ESCO1: variants seen among roughly 807,000 people sequenced by gnomAD.
ESCO1 encodes the protein N-acetyltransferase ESCO1.
In ESCO1, 33 loss-of-function variants were observed where a neutral mutation model predicts 83.5. That is an observed-to-expected ratio of 0.40 (90% CI 0.30 to 0.53). The LOEUF is 0.53. Ranked by LOEUF, ESCO1 falls within the 20% of genes least tolerant of loss-of-function variation. The pLI is 0.63. For synonymous variants in ESCO1, 332 were observed against 324.3 expected, an observed-to-expected ratio of 1.02 and a Z score of -0.25; for missense variants, 855 against 968.0, an observed-to-expected ratio of 0.88 and a Z score of 1.55.
Position 21,530,417 on chromosome 18 carries a change from G to C in ESCO1, c.2449C>G (p.Leu817Val), listed in dbSNP as rs1568088785. Residue 817 changes from leucine (L) to valine (V), a missense_variant, in exon 12 of 12, where the codon CTG becomes GTG. Physicochemically the swap from Leu to Val is conservative, Grantham distance 32 (BLOSUM62 1). Coordinates refer to ENST00000269214, the MANE Select transcript of ESCO1 (RefSeq NM_052911.3). Reference sequence around the variant, plus strand: ...GTGCCACAGTACTGTGTTGCAAACAGCTTTCCATCAGGAGTGGGATCTGAG... The same window carrying C: ...GTGCCACAGTACTGTGTTGCAAACACCTTTCCATCAGGAGTGGGATCTGAG... Reference protein sequence around the residue: ...AFSDPTPDGKLFATQYCGTGQ... With the variant: ...AFSDPTPDGKVFATQYCGTGQ... The C allele has an allele frequency of 6.2e-7, 1 of 1,601,270 alleles. No homozygotes were observed.
intron 1 of ESCO1, among the ~76,000 whole-genome samples, chr18:21,591,800 G>A (rs2038673945): frequency 6.6e-6 from 1 of 151,984 alleles, no homozygotes; most frequent in Non-Finnish European, 1.5e-5. Flanking sequence ...GGTTTTCCTA[G>A]GCAGAGGGCC....
At chr18:21,573,123 C>T (rs541093059) in intron 4 of ESCO1, among the ~76,000 whole-genome samples, 191 bp downstream of exon 4, 1 of 152,184 alleles carries the variant, frequency 6.6e-6, no homozygotes, top group South Asian at 2.1e-4. Flanking sequence ...GAGAAGCACC[C>T]CAAGTAAATG....
At chr18:21,590,758 GC>G (rs1217953162) in intron 1 of ESCO1, among the ~76,000 whole-genome samples, 1 of 151,642 alleles carries the variant, frequency 6.6e-6, no homozygotes, top group Non-Finnish European at 1.5e-5. Flanking sequence ...GACCATCCTG[GC>G]CAATGTGAAG....
At chr18:21,562,346 C>G (rs941860354) in intron 7 of ESCO1, among the ~76,000 whole-genome samples, 5 of 151,714 alleles carry the variant, frequency 3.3e-5, no homozygotes, top group African/African-American at 1.2e-4. Flanking sequence ...CACGGTGGTG[C>G]GTGCCTGTAA....
Position 21,574,679 on chromosome 18 carries a change from A to T in ESCO1, c.165T>A (p.Ser55Arg). 5.6e-6 allele frequency: 9 copies of T among 1,613,468 alleles called. 1 individual carries two copies. In the South Asian group the frequency reaches 8.8e-5, roughly 16 times the overall value. The change falls in exon 4 of 12, where the codon AGT (serine) becomes AGA (arginine). Residue 55 changes from serine (S) to arginine (R), a missense_variant. By Grantham distance (110) the Ser-to-Arg change is moderately radical. Around this residue, in one of 2 missense-constraint regions of ESCO1, gnomAD observed 726 missense variants for 699.5 expected, o/e 1.04. Transcript: ENST00000269214. ...IKSQAKSSSE[S>R]KINQPELETR... is the part of the protein sequence containing the mutation. ...TTTCCAATTCTGGCTGATTTATTTTACTTTCACTGGAAGATTTAGCCTGTG... is the reference window on the plus strand; with the variant it reads ...TTTCCAATTCTGGCTGATTTATTTTTCTTTCACTGGAAGATTTAGCCTGTG...
intron 10 of ESCO1, among the ~76,000 whole-genome samples, chr18:21,535,316 G>A (rs1598975371): frequency 6.6e-6 from 1 of 151,640 alleles, no homozygotes; most frequent in South Asian, 2.1e-4. Flanking sequence ...CTGGGTTCAA[G>A]CGATTCTCCT....
At chr18:21,551,105 T>A (rs755382461) in intron 8 of ESCO1, among the ~76,000 whole-genome samples, 132 of 126,890 alleles carry the variant, frequency 1.0e-3, no homozygotes, top group Non-Finnish European at 1.1e-3. Context: ...AGAGCAAAAC[T>A]CTGTCTCAAA....
chr18:21,597,390 G>A (rs552525093), intron 1 of ESCO1, among the ~76,000 whole-genome samples: 1 of 151,422 alleles, frequency 6.6e-6, no homozygotes, highest in Non-Finnish European at 1.5e-5. Flanking sequence ...ATTAAGCTGG[G>A]TATGCACACC....
chr18:21,598,710 A>C (rs1044563874), intron 1 of ESCO1, among the ~76,000 whole-genome samples: 18 of 152,294 alleles, frequency 1.2e-4, no homozygotes, highest in East Asian at 7.7e-4. Flanking sequence ...TCAAAAAAAA[A>C]AAACAAACAA....
At chr18:21,532,746 TTGAC>T in intron 10 of ESCO1, 86 bp from the exon 11 acceptor site, 6 of 1,308,544 alleles carry the variant, frequency 4.6e-6, no homozygotes, top group Non-Finnish European at 6.2e-6. Flanking sequence ...GTTATGACAT[TTGAC>T]TGGCTTAACA....
intron 2 of ESCO1, among the ~76,000 whole-genome samples, chr18:21,579,800 A>G (rs922599557): frequency 0.34 from 12,388 of 36,714 alleles, 975 homozygotes; most frequent in Admixed American, 0.37. Flanking sequence ...GCGCGCACAC[A>G]CACACACACA....
Position 21,591,660 on chromosome 18 carries a change from C to CTT in ESCO1, c.-824-7222_-824-7221dup, listed in dbSNP as rs34643359. ...AAGTTCACATGGATCACCACAGATG[C>CTT]TTTTTTTTTTTTTTTAATTTTTATT... On this transcript the variant is annotated intron_variant, in intron 1 of 11. Transcript: ENST00000269214. 7.6e-4 allele frequency among the ~76,000 whole-genome samples: 107 copies of CTT among 140,438 alleles called. 1 individual carries two copies. The highest frequency in any genetic ancestry group is 3.6e-3 in the South Asian group (16 of 4,446). The allele number at this position is 140,438 out of a possible 152,430, so 92.1% of individuals were successfully genotyped here.
intron 2 of ESCO1, among the ~76,000 whole-genome samples, chr18:21,580,535 A>G (rs1278007820): frequency 6.6e-6 from 1 of 152,316 alleles, no homozygotes; most frequent in African/African-American, 2.4e-5. Flanking sequence ...TCTAGGGTCT[A>G]CAAGAGAATG....
At chr18:21,546,871 G>C (rs951794741) in intron 8 of ESCO1, among the ~76,000 whole-genome samples, 1 of 152,094 alleles carries the variant, frequency 6.6e-6, no homozygotes, top group African/African-American at 2.4e-5. Flanking sequence ...AACCTTCAAT[G>C]CCTTCCTGCC....
chr18:21,553,612 C>T (rs1475285699), intron 8 of ESCO1, among the ~76,000 whole-genome samples: 1 of 151,982 alleles, frequency 6.6e-6, no homozygotes, highest in Non-Finnish European at 1.5e-5. Flanking sequence ...AATCCCAGCA[C>T]TTTGGAAGGC....
intron 5 of ESCO1, among the ~76,000 whole-genome samples, chr18:21,566,505 C>T (rs909314525): frequency 6.6e-6 from 1 of 152,044 alleles, no homozygotes; most frequent in African/African-American, 2.4e-5. Flanking sequence ...GTTTCAATGC[C>T]TGCATAATTA....
chr18:21,585,709 C>A (rs568902382), intron 1 of ESCO1, among the ~76,000 whole-genome samples: 1 of 152,158 alleles, frequency 6.6e-6, no homozygotes, highest in South Asian at 2.1e-4. Flanking sequence ...CATCCCATCT[C>A]AGCCTCCTGA....
intron 1 of ESCO1, among the ~76,000 whole-genome samples, chr18:21,600,186 A>T (rs1029772139): frequency 1.3e-5 from 2 of 152,208 alleles, no homozygotes; most frequent in Non-Finnish European, 2.9e-5. Flanking sequence ...CGCCGGGAAG[A>T]GAAAACGCAG....
chr18:21,549,572 G>A (rs1020120529), intron 8 of ESCO1, among the ~76,000 whole-genome samples: 2 of 151,724 alleles, frequency 1.3e-5, no homozygotes, highest in Non-Finnish European at 2.9e-5. Flanking sequence ...ACACCATCAC[G>A]CCCAGCTAAT....
Sources: gnomAD v4.1 joint callset for allele counts (sites outside exome capture counted in the v4.1 genomes callset) on GRCh38, gnomAD v4.1.1 for gene constraint, gnomAD v4.1.1 regional missense constraint, MANE v1.5 for transcripts, NCBI Gene and HGNC (gene_info 2026-07-23, HGNC 2026-07-21) for gene names.